LDLRAP1: variants seen among roughly 807,000 people sequenced by gnomAD.
LDLRAP1 encodes low density lipoprotein receptor adapter protein 1.
Under a neutral mutation model 37.8 loss-of-function variants are expected in LDLRAP1, and 30 were observed. The observed-to-expected ratio is 0.79, with a 90% CI of 0.59 to 1.08. The LOEUF is 1.08. Among genes scored for constraint, LDLRAP1 ranks in the 50% least tolerant of loss-of-function variants. The pLI is 0.00. For synonymous variants in LDLRAP1, 156 were observed against 169.8 expected (o/e 0.92, Z 0.63); for missense variants, 375 against 401.6 (o/e 0.93, Z 0.57).
the LDLRAP1 span, among the ~76,000 whole-genome samples, chr1:25,577,952 C>T: frequency 6.6e-6 from 1 of 152,298 alleles, no homozygotes; most frequent in African/African-American, 2.4e-5. Flanking sequence ...AGGTCTCCAG[C>T]AGGTCATCAG....
intron 1 of LDLRAP1, among the ~76,000 whole-genome samples, chr1:25,551,770 G>C (rs1439125600): frequency 1.3e-5 from 2 of 152,162 alleles, no homozygotes; most frequent in Admixed American, 1.3e-4. Context: ...TCATGTTGGG[G>C]TGGAGGCCCA....
the LDLRAP1 span, among the ~76,000 whole-genome samples, chr1:25,587,145 G>GTTTAT: frequency 5.9e-5 from 9 of 152,006 alleles, no homozygotes; most frequent in South Asian, 6.2e-4. Context: ...CTTCTATTTT[G>GTTTAT]TTTATTTTAT....
chr1:25,557,505 A>G, intron 4 of LDLRAP1: 1 of 580,390 alleles, frequency 1.7e-6, no homozygotes, highest in Non-Finnish European at 3.1e-6. Flanking sequence ...CCATGTCCCC[A>G]GTGTGTGTCT....
chr1:25,567,298 T>G lies in LDLRAP1; in HGVS notation c.*306T>G. ...GTGCAGTGCTGTAATCGGCTCCCGC[T>G]TGCTCTCCTGGAGCAAGCTCTGCCC... is the stretch of plus-strand genomic sequence containing the variant. On this transcript the variant is annotated 3_prime_UTR_variant, in exon 9 of 9. Coordinates refer to ENST00000374338, the MANE Select transcript of LDLRAP1 (RefSeq NM_015627.3). 1 of 440,976 alleles carries G rather than the reference T, an allele frequency of 2.3e-6. No individual in the cohort carries two copies. Among genetic ancestry groups the G allele is most frequent in the African/African-American group, 2.0e-5 (1 of 49,996 alleles). The allele number at this position is 440,976 out of a possible 1,614,324, so 27.3% of individuals were successfully genotyped here.
At chr1:25,561,493 G>A (rs899722159) in intron 4 of LDLRAP1, among the ~76,000 whole-genome samples, 1 of 152,208 alleles carries the variant, frequency 6.6e-6, no homozygotes, top group African/African-American at 2.4e-5. Flanking sequence ...TGAGTTGTCT[G>A]GGGGAGGGCA....
At chr1:25,562,814 A>G in intron 5 of LDLRAP1, 98 bp downstream of exon 5, 1 of 1,106,474 alleles carries the variant, frequency 9.0e-7, no homozygotes, top group Non-Finnish European at 1.4e-6. Flanking sequence ...CTCATCACCC[A>G]CCTGGCTTGT....
At position 25,555,124 on chromosome 1, in the gene LDLRAP1, C is replaced by A; in HGVS notation, c.344+152C>A. On this transcript the variant is annotated intron_variant, in intron 3 of 8. Coordinates refer to ENST00000374338, the MANE Select transcript of LDLRAP1 (RefSeq NM_015627.3). The surrounding 1 kb of genome is among the most constrained non-coding windows in gnomAD (Gnocchi z 4.7). ...AAAATGGGGGTGGGAACAGATCCTG[C>A]TGCACAGCGCTGTTAGGAAACGTGG... 1 of 715,724 alleles carries A rather than the reference C, an allele frequency of 1.4e-6. No individual in the cohort carries two copies. The highest frequency in any genetic ancestry group is 2.5e-6 in the Non-Finnish European group (1 of 392,692). The allele number at this position is 715,724 out of a possible 1,614,324, so 44.3% of individuals were successfully genotyped here.
At chr1:25,559,938 T>C (rs1179707310) in intron 4 of LDLRAP1, among the ~76,000 whole-genome samples, 1 of 152,154 alleles carries the variant, frequency 6.6e-6, no homozygotes, top group Non-Finnish European at 1.5e-5. Context: ...CCAGGGGGGC[T>C]TAGTTCTGGG....
chr1:25,589,507 G>C, the LDLRAP1 span, among the ~76,000 whole-genome samples: 8 of 152,206 alleles, frequency 5.3e-5, no homozygotes, highest in Admixed American at 5.2e-4. Flanking sequence ...CATAGACTAA[G>C]TAAAGAAGAT....
chr1:25,557,572 TCTTTAATATGGTCTAGGGATGCAGGGC>T (rs1376751365), intron 4 of LDLRAP1: 12 of 462,538 alleles, frequency 2.6e-5, no homozygotes, highest in African/African-American at 2.4e-4. Context: ...GGATCTCCTG[TCTTTAATATGGTCTAGGGATGCAGGGC>T]CTTCTGGTGA....
the LDLRAP1 span, among the ~76,000 whole-genome samples, chr1:25,575,571 G>A: frequency 1.3e-5 from 2 of 151,950 alleles, no homozygotes; most frequent in South Asian, 2.1e-4. Flanking sequence ...CTCCAGCCTC[G>A]GCCACAGAAT....
At chr1:25,582,459 C>T in the LDLRAP1 span, among the ~76,000 whole-genome samples, 2 of 151,804 alleles carry the variant, frequency 1.3e-5, no homozygotes, top group African/African-American at 2.4e-5. Context: ...GTGGCATGCA[C>T]CTGTAGTCCC....
chr1:25,555,503 G>A lies in LDLRAP1; in HGVS notation c.344+531G>A, dbSNP rs2044177315. 6.6e-6 allele frequency among the ~76,000 whole-genome samples: 1 copy of A among 152,202 alleles called. No homozygotes were observed. The highest frequency in any genetic ancestry group is 1.5e-5 in the Non-Finnish European group (1 of 68,040). On this transcript the variant is annotated intron_variant, in intron 3 of 8. Coordinates refer to ENST00000374338, the MANE Select transcript of LDLRAP1 (RefSeq NM_015627.3). This position sits in a 1 kb window ranked among gnomAD's most constrained non-coding sequence, Gnocchi z 4.7. ...CAGTTGTAGTTTTTCAGAACTGGAAGGGACAGCTCAGGTCCATTTTACAGA... is the reference window on the plus strand; with the variant it reads ...CAGTTGTAGTTTTTCAGAACTGGAAAGGACAGCTCAGGTCCATTTTACAGA...
the LDLRAP1 span, among the ~76,000 whole-genome samples, chr1:25,584,340 G>T: frequency 1.3e-5 from 2 of 151,944 alleles, no homozygotes; most frequent in Non-Finnish European, 2.9e-5. Context: ...CCAAAAGATG[G>T]TACAAGTTCA....
chr1:25,546,848 A>G (rs192895235), intron 1 of LDLRAP1, among the ~76,000 whole-genome samples: 4 of 151,872 alleles, frequency 2.6e-5, no homozygotes, highest in South Asian at 4.2e-4. Context: ...TTTTAAGCTC[A>G]TCAGCTATCA....
At chr1:25,547,194 A>G (rs1019350804) in intron 1 of LDLRAP1, among the ~76,000 whole-genome samples, 2 of 152,062 alleles carry the variant, frequency 1.3e-5, no homozygotes, top group Middle Eastern at 3.2e-3. Flanking sequence ...TTATAAAGCA[A>G]ATTACCAGCA....
intron 8 of LDLRAP1, among the ~76,000 whole-genome samples, chr1:25,565,932 G>A (rs953182884): frequency 6.6e-6 from 1 of 152,178 alleles, no homozygotes; most frequent in African/African-American, 2.4e-5. Flanking sequence ...TGGGGACAGA[G>A]TCAGGGTCTT....
chr1:25,564,213 CTCT>C, intron 7 of LDLRAP1: 3 of 272,072 alleles, frequency 1.1e-5, no homozygotes, highest in African/African-American at 2.2e-5. Flanking sequence ...GCCCCCTGAC[CTCT>C]CTGTCTCAGC....
intron 1 of LDLRAP1, among the ~76,000 whole-genome samples, chr1:25,547,492 A>G (rs1472299654): frequency 6.9e-6 from 1 of 145,760 alleles, no homozygotes; most frequent in Non-Finnish European, 1.5e-5. Context: ...CAAATAATAA[A>G]TAAATAAATA....
Sources: allele counts gnomAD v4.1 joint callset (sites outside exome capture counted in the v4.1 genomes callset), GRCh38; gene constraint gnomAD v4.1.1; non-coding constraint Gnocchi (gnomAD v3.1); transcripts MANE v1.5; gene names NCBI Gene and HGNC (gene_info 2026-07-23, HGNC 2026-07-21).